The following SPSB2 variants were observed in gnomAD, a reference collection of about 807,000 sequenced individuals.
SPSB2 encodes the protein splA/ryanodine receptor domain and SOCS box containing 2.
Under a neutral mutation model 19.2 loss-of-function variants are expected in SPSB2, and 25 were observed. The observed-to-expected ratio is 1.30, with a 90% CI of 0.95 to 1.82. The LOEUF is 1.82. Among genes scored for constraint, SPSB2 ranks in the 40% most tolerant of loss-of-function variants. The probability of loss-of-function intolerance (pLI) is 0.00; values close to 1 mark genes in which losing one functional copy is unlikely to be tolerated. For missense variants in SPSB2, 413 were observed against 344.9 expected, an observed-to-expected ratio of 1.20 and a Z score of -1.56; for synonymous variants, 153 against 154.9, an observed-to-expected ratio of 0.99 and a Z score of 0.09.
intron 2 of SPSB2, 198 bp downstream of exon 2, chr12:6,872,040 C>T: frequency 6.7e-7 from 1 of 1,497,344 alleles, no homozygotes; most frequent in Non-Finnish European, 8.9e-7. Flanking sequence ...GTTGCTTTCT[C>T]AAGCCTGTTT....
chr12:6,871,346 AGTAT>A, intron 2 of SPSB2, 27 bp from the exon 3 acceptor site: 1 of 1,603,960 alleles, frequency 6.2e-7, no homozygotes, highest in East Asian at 2.2e-5. Context: ...GGGGAATGTA[AGTAT>A]GGGTGCAGCC....
Position 6,872,562 on chromosome 12 carries a change from G to T in SPSB2, c.340C>A (p.Pro114Thr). Reference protein sequence around the residue: ...AVVGVATALAPLQTDHYAALL... With the variant: ...AVVGVATALATLQTDHYAALL... ...GCCGCGTAGTGGTCAGTCTGCAGCG[G>T]GGCGAGGGCCGTGGCCACGCCCACC... Residue 114 changes from proline (P) to threonine (T), a missense_variant, in exon 2 of 3, where the codon CCG becomes ACG. By Grantham distance (38) the Pro-to-Thr change is conservative (BLOSUM62 -1). Coordinates refer to ENST00000524270, the MANE Select transcript of SPSB2 (RefSeq NM_032641.4). 1 of 1,609,234 alleles carries T rather than the reference G, an allele frequency of 6.2e-7. No individual in the cohort carries two copies.
At position 6,872,259 on chromosome 12, in the gene SPSB2, G is replaced by GA; in HGVS notation, c.642_643insT (p.Arg215SerfsTer77). ...TCACCTCTCCTTTCGCCCAGGTAGC[G>GA]GATGCGGACCTGGCACTGGCCCCAG... On this transcript the variant is annotated frameshift_variant, in exon 2 of 3. Transcript: ENST00000524270. LOFTEE classifies it low-confidence loss of function (END_TRUNC). 6.2e-7 allele frequency: 1 copy of GA among 1,614,116 alleles called. No individual in the cohort carries two copies.
In SPSB2 at chr12:6,871,314, G is replaced by T; in HGVS notation, c.670C>A (p.Pro224Thr). ...IRYLGERRAE[P>T]HSLLHLSRLC... ...CGGCTCAGGTGCAGAAGGGAGTGTGGCTCCGCTGGGAGAGAGAAGGAGGGG... is the reference window on the plus strand; with the variant it reads ...CGGCTCAGGTGCAGAAGGGAGTGTGTCTCCGCTGGGAGAGAGAAGGAGGGG... Residue 224 changes from proline to threonine, a missense_variant, in exon 3 of 3, where the codon CCA (proline) becomes ACA (threonine). Physicochemically the swap from Pro to Thr is conservative, Grantham distance 38. Coordinates refer to ENST00000524270, the MANE Select transcript of SPSB2 (RefSeq NM_032641.4). The T allele has an allele frequency of 6.2e-7, 1 of 1,612,840 alleles. No homozygotes were observed. Among genetic ancestry groups the T allele is most frequent in the Non-Finnish European group, 8.5e-7 (1 of 1,179,654 alleles).
rs1555133210 is a variant in SPSB2 at position 6,871,116 on chromosome 12, G to A, written c.*76C>T. On this transcript the variant is annotated 3_prime_UTR_variant, in exon 3 of 3. Transcript: ENST00000524270. Reference sequence around the variant, plus strand: ...CACCAGCTTTCAGCAGCTGGTCTAGGCCAGCAGTGCCTCCCCACCTCCCCA... The same window carrying A: ...CACCAGCTTTCAGCAGCTGGTCTAGACCAGCAGTGCCTCCCCACCTCCCCA... 3 of 1,530,958 alleles carry A rather than the reference G, an allele frequency of 2.0e-6. No individual in the cohort carries two copies. Among genetic ancestry groups the A allele is most frequent in the East Asian group, 2.4e-5 (1 of 40,842 alleles). 94.8% of individuals were successfully genotyped at this position (1,530,958 alleles called of 1,614,324 possible).
At position 6,871,058 on chromosome 12, in the gene SPSB2, C is replaced by A; in HGVS notation, c.*134G>T. The A allele has an allele frequency of 8.5e-7, 1 of 1,181,112 alleles. No homozygotes were observed. Among genetic ancestry groups the A allele is most frequent in the African/African-American group, 1.5e-5 (1 of 65,560 alleles). 73.2% of individuals were successfully genotyped at this position (1,181,112 alleles called of 1,614,324 possible). A position where few individuals can be genotyped will look rare whatever the true frequency, so the allele number is the denominator to read the frequency against. ...AAGTGGCTCTGGGGCTGTTGATTTC[C>A]GCAGAGCTTGGGTTGGGGTAGGGGC... On this transcript the variant is annotated 3_prime_UTR_variant, in exon 3 of 3. Coordinates refer to ENST00000524270, the MANE Select transcript of SPSB2 (RefSeq NM_032641.4).
rs1555133377 is a variant in SPSB2, at chr12:6,871,283, C to T, written c.701G>A (p.Cys234Tyr). 5 of 1,613,904 alleles carry T rather than the reference C, an allele frequency of 3.1e-6. No homozygotes were observed. The highest frequency in any genetic ancestry group is 4.2e-6 in the Non-Finnish European group (5 of 1,180,028). ...PHSLLHLSRLCVRHNLGDTRL... is the reference protein window; with the variant it reads ...PHSLLHLSRLYVRHNLGDTRL... The stretch of plus-strand genomic sequence containing the variant: ...GGTATCCCCCAGGTTGTGGCGCACA[C>T]ACAGGCGGCTCAGGTGCAGAAGGGA... The change falls in exon 3 of 3, where the codon TGT becomes TAT. Residue 234 changes from cysteine to tyrosine, a missense_variant. Physicochemically the swap from Cys to Tyr is radical, Grantham distance 194. Transcript: ENST00000524270.
chr12:6,871,806 G>A (rs1944600195), intron 2 of SPSB2: 2 of 446,802 alleles, frequency 4.5e-6, no homozygotes, highest in Non-Finnish European at 7.9e-6. Flanking sequence ...GCTGAGGAAG[G>A]AAGTAGGTAT....
At position 6,872,507 on chromosome 12, in the gene SPSB2, C is replaced by T; in HGVS notation, c.395G>A (p.Gly132Asp). ...ALLGSNSESW[G>D]WDIGRGKLYH... ...CAGCTTCCCCCGCCCGATGTCCCAG[C>T]CCCACGACTCGCTGTTGCTGCCCAG... The change falls in exon 2 of 3, where the codon GGC (glycine) becomes GAC (aspartate). Residue 132 changes from glycine to aspartate, a missense_variant. Physicochemically the swap from Gly to Asp is moderately conservative, Grantham distance 94. Transcript: ENST00000524270. The T allele has an allele frequency of 1.2e-6, 2 of 1,612,594 alleles. No individual in the cohort carries two copies. The highest frequency in any genetic ancestry group is 2.2e-5 in the East Asian group (1 of 44,876).
chr12:6,871,957 A>G, intron 2 of SPSB2: 1 of 1,432,692 alleles, frequency 7.0e-7, no homozygotes, highest in Non-Finnish European at 9.2e-7. Flanking sequence ...ATATCTCCTG[A>G]ATTCTCTCAT....
Position 6,872,739 on chromosome 12 carries a change from C to G in SPSB2, c.163G>C (p.Glu55Gln). The G allele has an allele frequency of 1.2e-6, 2 of 1,612,842 alleles. No individual in the cohort carries two copies. Among genetic ancestry groups the G allele is most frequent in the Non-Finnish European group, 1.7e-6 (2 of 1,180,046 alleles). The change falls in exon 2 of 3, where the codon GAG becomes CAG. Residue 55 changes from glutamate to glutamine, a missense_variant. Glu to Gln is a conservative substitution (Grantham distance 29). Transcript: ENST00000524270. The part of the protein sequence containing the change: ...RHGWNPKDCS[E>Q]NIEVKEGGLY... ...CCTCCTTCCTTGACCTCGATGTTCTCTGAACAGTCTTTGGGGTTCCAACCG... is the reference window on the plus strand; with the variant it reads ...CCTCCTTCCTTGACCTCGATGTTCTGTGAACAGTCTTTGGGGTTCCAACCG...
intron 2 of SPSB2, chr12:6,871,809 G>A (rs35535772): frequency 0.15 from 69,094 of 453,936 alleles, 6,302 homozygotes; most frequent in Middle Eastern, 0.19. Context: ...GAGGAAGGAA[G>A]TAGGTATGTG....
intron 2 of SPSB2, 160 bp downstream of exon 2, chr12:6,872,078 A>C: frequency 6.3e-7 from 1 of 1,575,698 alleles, no homozygotes; most frequent in Non-Finnish European, 8.6e-7. Context: ...GGTTAAATTA[A>C]ATAACAGCTG....
At chr12:6,873,073 T>C in intron 1 of SPSB2, 76 bp from the exon 2 acceptor site, 3 of 570,012 alleles carry the variant, frequency 5.3e-6, no homozygotes, top group Non-Finnish European at 9.3e-6. Context: ...TTCACCCAAG[T>C]TTGCCAACGG....
At chr12:6,871,981 C>T in intron 2 of SPSB2, 1 of 1,450,176 alleles carries the variant, frequency 6.9e-7, no homozygotes. Context: ...TGCAGTTCCT[C>T]CCTCCATTCT....
In SPSB2 at chr12:6,871,075, G is replaced by T; in HGVS notation, c.*117C>A. Reference sequence around the variant, plus strand: ...TTGATTTCCGCAGAGCTTGGGTTGGGGTAGGGGCTCAGCCTCACCAGCTTT... The same window carrying T: ...TTGATTTCCGCAGAGCTTGGGTTGGTGTAGGGGCTCAGCCTCACCAGCTTT... On this transcript the variant is annotated 3_prime_UTR_variant, in exon 3 of 3. Transcript: ENST00000524270. 1.5e-6 allele frequency: 2 copies of T among 1,339,084 alleles called. No homozygotes were observed. Among genetic ancestry groups the T allele is most frequent in the Non-Finnish European group, 2.1e-6 (2 of 971,112 alleles). The allele number at this position is 1,339,084 out of a possible 1,614,324, so 83.0% of individuals were successfully genotyped here. A position where few individuals can be genotyped will look rare whatever the true frequency, so the allele number is the denominator to read the frequency against.
chr12:6,871,351 G>A (rs782784554), intron 2 of SPSB2, 32 bp from the exon 3 acceptor site: 2 of 1,600,564 alleles, frequency 1.2e-6, no homozygotes, highest in Non-Finnish European at 1.7e-6. Context: ...ATGTAAGTAT[G>A]GGTGCAGCCA....
chr12:6,872,398 C>CAGCA lies in SPSB2; in HGVS notation c.500_503dup (p.Val169AlafsTer124), dbSNP rs1555133793. The stretch of plus-strand genomic sequence containing the variant: ...TTCCCTCCTCCATGTCCAGAACCAC[C>CAGCA]AGCAGTCTCTCTGGCACCTCCAGCT... On this transcript the variant is annotated frameshift_variant, in exon 2 of 3. Coordinates refer to ENST00000524270, the MANE Select transcript of SPSB2 (RefSeq NM_032641.4). LOFTEE classifies it high-confidence loss of function. 1 of 1,614,242 alleles carries CAGCA rather than the reference C, an allele frequency of 6.2e-7. No homozygotes were observed. The highest frequency in any genetic ancestry group is 1.1e-5 in the South Asian group (1 of 91,092).
At chr12:6,872,183 C>G (rs1555133656) in intron 2 of SPSB2, 55 bp downstream of exon 2, 2 of 1,613,656 alleles carry the variant, frequency 1.2e-6, no homozygotes, top group African/African-American at 2.7e-5. Context: ...GTTTCCATCC[C>G]AAACCACTGC....
Sources: gnomAD v4.1 joint callset for allele counts on GRCh38, gnomAD v4.1.1 for gene constraint, MANE v1.5 for transcripts, NCBI Gene and HGNC (gene_info 2026-07-23, HGNC 2026-07-21) for gene names.